Variants in MAST4 observed in about 807,000 individuals in gnomAD.
MAST4 encodes the protein microtubule-associated serine/threonine-protein kinase 4.
A neutral mutation model predicts 162.7 loss-of-function variants in MAST4; 89 were observed. The ratio of observed to expected loss-of-function variants is 0.55; its 90% confidence interval spans 0.46 to 0.65. The LOEUF is 0.65. Ranked by LOEUF, MAST4 falls within the 30% of genes least tolerant of loss-of-function variation. MAST4 has a pLI of 0.00. For missense variants in MAST4, 3,153 were observed against 3,374.0 expected, an observed-to-expected ratio of 0.93 and a Z score of 1.62; for synonymous variants, 1,479 against 1,361.1, an observed-to-expected ratio of 1.09 and a Z score of -1.91.
At chr5:67,111,301 G>T (rs750717637) in intron 11 of MAST4, among the ~76,000 whole-genome samples, 1 of 152,140 alleles carries the variant, frequency 6.6e-6, no homozygotes, top group Admixed American at 6.5e-5. Context: ...ATACATGGTT[G>T]CAGTGCTTTG....
At chr5:66,599,673 G>T (rs1742428403) in intron 1 of MAST4, among the ~76,000 whole-genome samples, 1 of 152,130 alleles carries the variant, frequency 6.6e-6, no homozygotes, top group Non-Finnish European at 1.5e-5. Context: ...TAACTTATAT[G>T]CTACCTACTG....
At chr5:67,007,646 A>T (rs1447839026) in intron 4 of MAST4, among the ~76,000 whole-genome samples, 3 of 152,238 alleles carry the variant, frequency 2.0e-5, no homozygotes, top group African/African-American at 4.8e-5. Flanking sequence ...ACTCATAAGG[A>T]TAGAATGTTT....
chr5:66,980,831 G>T (rs1310213057), intron 4 of MAST4, among the ~76,000 whole-genome samples: 1 of 152,090 alleles, frequency 6.6e-6, no homozygotes, highest in Non-Finnish European at 1.5e-5. Flanking sequence ...AAATGCTCTG[G>T]CTGGGCCTAG....
At chr5:66,720,272 A>C (rs531957246) in intron 1 of MAST4, among the ~76,000 whole-genome samples, 2 of 152,108 alleles carry the variant, frequency 1.3e-5, no homozygotes, top group Admixed American at 1.3e-4. Context: ...GACTTCTGTA[A>C]AAAATGAAAT....
chr5:66,944,722 T>G (rs529906094), intron 4 of MAST4, among the ~76,000 whole-genome samples: 28 of 152,244 alleles, frequency 1.8e-4, no homozygotes, highest in African/African-American at 6.5e-4. Flanking sequence ...CCATGTATTA[T>G]CTCACAGTTC....
At chr5:66,735,603 C>T (rs983545686) in intron 1 of MAST4, among the ~76,000 whole-genome samples, 8 of 152,034 alleles carry the variant, frequency 5.3e-5, no homozygotes, top group Non-Finnish European at 1.0e-4. Context: ...AGGATCCATG[C>T]GCTTTGACAA....
chr5:67,054,144 A>G (rs771988399), intron 4 of MAST4, among the ~76,000 whole-genome samples: 5 of 152,214 alleles, frequency 3.3e-5, no homozygotes, highest in Non-Finnish European at 7.3e-5. Context: ...TTTGCACTCA[A>G]GCGCTGGAAG....
chr5:67,129,400 G>A (rs1768657435), intron 14 of MAST4, among the ~76,000 whole-genome samples: 1 of 152,042 alleles, frequency 6.6e-6, no homozygotes, highest in African/African-American at 2.4e-5. Flanking sequence ...GTTTTTTGTG[G>A]ATCCCAATGG....
intron 2 of MAST4, 66 bp from the exon 3 acceptor site, chr5:66,788,604 C>CCCCCCAAAAAAAAAAAAAAAAAA: frequency 7.5e-7 from 1 of 1,337,756 alleles, no homozygotes; most frequent in Non-Finnish European, 1.0e-6. Flanking sequence ...CCACCCCCAC[C>CCCCCCAAAAAAAAAAAAAAAAAA]CCCATTGCAA....
chr5:66,778,284 T>C (rs1467694174), intron 2 of MAST4, among the ~76,000 whole-genome samples: 1 of 152,200 alleles, frequency 6.6e-6, no homozygotes, highest in African/African-American at 2.4e-5. Flanking sequence ...TTGATAAGAA[T>C]TTTAAATCCA....
intron 4 of MAST4, among the ~76,000 whole-genome samples, chr5:67,011,642 T>C (rs1389934085): frequency 6.6e-6 from 1 of 152,204 alleles, no homozygotes; most frequent in Non-Finnish European, 1.5e-5. Context: ...TTCCAGCAGC[T>C]GAGTGGCTCC....
chr5:66,860,650 GT>G (rs774825780), intron 3 of MAST4, among the ~76,000 whole-genome samples: 2 of 145,290 alleles, frequency 1.4e-5, no homozygotes, highest in Admixed American at 1.4e-4. Context: ...AGCCTTTCTT[GT>G]TTTTCCTTCC....
At chr5:66,822,640 C>G (rs750810174) in intron 3 of MAST4, among the ~76,000 whole-genome samples, 3 of 152,088 alleles carry the variant, frequency 2.0e-5, no homozygotes, top group Non-Finnish European at 4.4e-5. Flanking sequence ...TCTAGTTTCC[C>G]CTCTAAAGTA....
intron 8 of MAST4, among the ~76,000 whole-genome samples, chr5:67,102,011 A>G (rs988171963): frequency 2.7e-5 from 4 of 149,916 alleles, no homozygotes; most frequent in African/African-American, 4.9e-5. Flanking sequence ...TCAGCATCCT[A>G]GATAAATATT....
chr5:66,742,657 G>A (rs760755830), intron 1 of MAST4, among the ~76,000 whole-genome samples: 2 of 152,060 alleles, frequency 1.3e-5, no homozygotes, highest in African/African-American at 2.4e-5. Context: ...GTGGAGTTGC[G>A]AACCTGTACC....
chr5:66,760,405 C>T (rs1423972567), intron 2 of MAST4, among the ~76,000 whole-genome samples: 1 of 152,024 alleles, frequency 6.6e-6, no homozygotes, highest in African/African-American at 2.4e-5. Context: ...TGAGCCACCG[C>T]ACCCGGCCAA....
At chr5:66,804,508 A>C (rs546674377) in intron 3 of MAST4, among the ~76,000 whole-genome samples, 17 of 152,300 alleles carry the variant, frequency 1.1e-4, no homozygotes, top group African/African-American at 3.6e-4. Context: ...GGAACCTCCT[A>C]GAGTGGTGAG....
intron 1 of MAST4, among the ~76,000 whole-genome samples, chr5:66,654,792 A>G (rs1352124129): frequency 6.6e-6 from 1 of 152,146 alleles, no homozygotes; most frequent in East Asian, 1.9e-4. Context: ...AATCACACAA[A>G]ATTAAATATG....
intron 3 of MAST4, among the ~76,000 whole-genome samples, chr5:66,873,562 A>G (rs1761090818): frequency 6.6e-6 from 1 of 152,210 alleles, no homozygotes; most frequent in Admixed American, 6.5e-5. Flanking sequence ...TAGCTTTACA[A>G]TGGCAATATG....
Sources: allele counts gnomAD v4.1 joint callset (sites outside exome capture counted in the v4.1 genomes callset), GRCh38; gene constraint gnomAD v4.1.1; transcripts MANE v1.5; gene names NCBI Gene and HGNC (gene_info 2026-07-23, HGNC 2026-07-21).